The following SOX13 variants were observed in gnomAD, a reference collection of about 807,000 sequenced individuals.
The protein encoded by SOX13 is transcription factor SOX-13.
A neutral mutation model predicts 71.8 loss-of-function variants in SOX13; 28 were observed. The observed-to-expected ratio is 0.39, with a 90% confidence interval of 0.29 to 0.53. The LOEUF is 0.53. Ranked by LOEUF, SOX13 falls within the 20% of genes least tolerant of loss-of-function variation. The pLI is 0.70. For synonymous variants in SOX13, 309 were observed against 317.8 expected, an observed-to-expected ratio of 0.97 and a Z score of 0.29; for missense variants, 627 against 810.3, an observed-to-expected ratio of 0.77 and a Z score of 2.75.
Position 204,116,487 on chromosome 1 carries a change from T to A in SOX13, c.419-20T>A. 2 of 1,613,042 alleles carry A rather than the reference T, an allele frequency of 1.2e-6. No individual in the cohort carries two copies. Among genetic ancestry groups the A allele is most frequent in the African/African-American group, 2.7e-5 (2 of 74,938 alleles). ...GAACAAGTAAAAAGTCTCAATGGGG[T>A]CTGTTTCACTGTGGAGCAGGGACCC... On this transcript the variant is annotated intron_variant, in intron 4 of 13. Coordinates refer to ENST00000367204, the MANE Select transcript of SOX13 (RefSeq NM_005686.3).
rs766296895 is a variant in SOX13 at position 204,124,766 on chromosome 1, T to G, written c.1501T>G (p.Cys501Gly). 6.2e-7 allele frequency: 1 copy of G among 1,606,946 alleles called. No individual in the cohort carries two copies. The highest frequency in any genetic ancestry group is 2.2e-5 in the East Asian group (1 of 44,544). Residue 501 changes from cysteine to glycine, a missense_variant, in exon 13 of 14, where the codon TGC becomes GGC. Coordinates refer to ENST00000367204, the MANE Select transcript of SOX13 (RefSeq NM_005686.3). ...GTACAAGCCGCGGCCCAAGCGCACC[T>G]GCATCGTGGAGGGCAAGCGGCTGCG... ...YKYKPRPKRTCIVEGKRLRVG... is the reference protein window; with the variant it reads ...YKYKPRPKRTGIVEGKRLRVG...
At chr1:204,078,153 G>C (rs1400662242) in intron 1 of SOX13, 1 of 152,278 alleles carries the variant, frequency 6.6e-6, no homozygotes, top group Non-Finnish European at 1.5e-5. Flanking sequence ...GCTAATGGCT[G>C]ATGATGTCTG....
chr1:204,122,134 T>C lies in SOX13; in HGVS notation c.862-103T>C, dbSNP rs1247460746. The C allele has an allele frequency of 5.3e-6, 6 of 1,142,502 alleles. No homozygotes were observed. The African/African-American group carries it at 7.7e-5, about 15-fold the overall frequency. 70.8% of individuals were successfully genotyped at this position (1,142,502 alleles called of 1,614,324 possible). ...CCTTCTGCGTCCACTTTTCTGTCTG[T>C]CTCCTTGTGTGTTCTGGGTATGCTC... On this transcript the variant is annotated intron_variant, in intron 8 of 13. Coordinates refer to ENST00000367204, the MANE Select transcript of SOX13 (RefSeq NM_005686.3).
At chr1:204,116,031 GA>G (rs1656685584) in intron 4 of SOX13, 2 of 490,014 alleles carry the variant, frequency 4.1e-6, no homozygotes. Flanking sequence ...CACTTACCAA[GA>G]TTTTGAAAAC....
chr1:204,112,385 G>C (rs1178848913), intron 1 of SOX13, among the ~76,000 whole-genome samples: 1 of 151,494 alleles, frequency 6.6e-6, no homozygotes, highest in Non-Finnish European at 1.5e-5. Context: ...AGGTTGCAGT[G>C]AGCCGAGATC....
rs772096955 is a variant in SOX13, at chr1:204,125,945, G to C, written c.1680G>C (p.Glu560Asp). The change falls in exon 14 of 14, where the codon GAG becomes GAC. Residue 560 changes from glutamate (E) to aspartate (D), a missense_variant. This residue lies in a region of SOX13 where 148 missense variants were observed against 192.7 expected (regional missense o/e 0.77). Transcript: ENST00000367204. Reference sequence around the variant, plus strand: ...TGCCGCTGGCACAGCCACTGGTGGAGCACTATGTCCCTCGTAGCCTGGACC... The same window carrying C: ...TGCCGCTGGCACAGCCACTGGTGGACCACTATGTCCCTCGTAGCCTGGACC... ...AGMPLAQPLV[E>D]HYVPRSLDPN... 40 of 1,613,734 alleles carry C rather than the reference G, an allele frequency of 2.5e-5. No homozygotes were observed. The highest frequency in any genetic ancestry group is 1.3e-5 in the African/African-American group (1 of 74,932).
Position 204,121,546 on chromosome 1 carries a change from C to T in SOX13, c.776-354C>T, listed in dbSNP as rs183536087. Reference sequence around the variant, plus strand: ...AGACGTTCTACACAACAGGCAGCCGCTTTTGTGCCCTGTGCCCAGTAGGTA... The same window carrying T: ...AGACGTTCTACACAACAGGCAGCCGTTTTTGTGCCCTGTGCCCAGTAGGTA... On this transcript the variant is annotated intron_variant, in intron 7 of 13. Transcript: ENST00000367204. Among the ~76,000 whole-genome samples the T allele has an allele frequency of 2.5e-3, 383 of 152,330 alleles. 4 individuals are homozygous for T. The highest frequency in any genetic ancestry group is 8.6e-3 in the African/African-American group (357 of 41,584).
In SOX13 at chr1:204,123,415, C is replaced by T. The variant is rs1656852742; in HGVS notation, c.1231+207C>T. 1.3e-5 allele frequency among the ~76,000 whole-genome samples: 2 copies of T among 152,204 alleles called. No homozygotes were observed. Among genetic ancestry groups the T allele is most frequent in the African/African-American group, 4.8e-5 (2 of 41,444 alleles). On this transcript the variant is annotated intron_variant, in intron 11 of 13. Transcript: ENST00000367204. The surrounding 1 kb of genome is among the most constrained non-coding windows in gnomAD (Gnocchi z 5.0). ...GTTTTGTGACTGCTGAGTTTCTGCT[C>T]TCTCTTGAGGCCATACCGCTGTGAT...
At chr1:204,112,527 A>ACGCACACACT (rs34093119) in intron 1 of SOX13, among the ~76,000 whole-genome samples, 1 of 147,900 alleles carries the variant, frequency 6.8e-6, no homozygotes, top group South Asian at 2.2e-4. Context: ...ACACACACAC[A>ACGCACACACT]CTTTCTCTCT....
chr1:204,090,600 A>T (rs1050724605), intron 1 of SOX13, among the ~76,000 whole-genome samples: 1 of 151,832 alleles, frequency 6.6e-6, no homozygotes, highest in Non-Finnish European at 1.5e-5. Flanking sequence ...CAGTAGGGAC[A>T]GGGTTTCACT....
At chr1:204,109,279 C>A (rs1177998639) in intron 1 of SOX13, among the ~76,000 whole-genome samples, 1 of 152,226 alleles carries the variant, frequency 6.6e-6, no homozygotes, top group Non-Finnish European at 1.5e-5. Context: ...AGAGTCTGGT[C>A]TGATCAGCAA....
intron 2 of SOX13, 98 bp downstream of exon 2, chr1:204,113,232 A>T: frequency 2.9e-6 from 3 of 1,018,928 alleles, no homozygotes; most frequent in Non-Finnish European, 4.2e-6. Context: ...GGCAGCAGAT[A>T]CAGGCAGAAG....
chr1:204,091,277 C>A (rs903015227), intron 1 of SOX13, among the ~76,000 whole-genome samples: 1 of 152,316 alleles, frequency 6.6e-6, no homozygotes, highest in South Asian at 2.1e-4. Flanking sequence ...ATGCTGCTCA[C>A]GGCTTTGGTC....
rs1409311710 is a variant in SOX13, at chr1:204,073,144, C to T, written c.-569C>T. 6.6e-6 allele frequency: 1 copy of T among 152,250 alleles called. No homozygotes were observed. The highest frequency in any genetic ancestry group is 2.4e-5 in the African/African-American group (1 of 41,430). The allele number at this position is 152,250 out of a possible 1,614,324, so 9.4% of individuals were successfully genotyped here. ...GCCTCGCAGCAGCGAGCCGCGAGCG[C>T]CCTTCTCCAGTCCCGGCTTGGAACT... On this transcript the variant is annotated 5_prime_UTR_variant, in exon 1 of 14. Coordinates refer to ENST00000367204, the MANE Select transcript of SOX13 (RefSeq NM_005686.3). This position sits in a 1 kb window ranked among gnomAD's most constrained non-coding sequence, Gnocchi z 6.8.
At chr1:204,096,238 C>CTTTTTTTTT (rs1491344524) in intron 1 of SOX13, among the ~76,000 whole-genome samples, 5 of 61,242 alleles carry the variant, frequency 8.2e-5, no homozygotes, top group African/African-American at 3.3e-4. Flanking sequence ...TTCTTTCTTT[C>CTTTTTTTTT]GTTTTTTTTT....
intron 1 of SOX13, among the ~76,000 whole-genome samples, chr1:204,095,941 G>A: frequency 6.6e-6 from 1 of 152,084 alleles, no homozygotes; most frequent in East Asian, 1.9e-4. Flanking sequence ...TTTATGCCTG[G>A]CTTATTTCAG....
At chr1:204,103,541 A>G (rs1395805637) in intron 1 of SOX13, among the ~76,000 whole-genome samples, 1 of 152,258 alleles carries the variant, frequency 6.6e-6, no homozygotes, top group East Asian at 1.9e-4. Flanking sequence ...CTTGCAGCCA[A>G]GTAAGTGCTG....
At position 204,117,691 on chromosome 1, in the gene SOX13, C is replaced by T; in HGVS notation, c.759C>T (p.Pro253=). The T allele has an allele frequency of 1.9e-6, 3 of 1,612,612 alleles. No individual in the cohort carries two copies. The highest frequency in any genetic ancestry group is 8.5e-7 in the Non-Finnish European group (1 of 1,178,996). Residue 253 remains proline (P), a synonymous_variant, in exon 7 of 14, where the codon CCC becomes CCT. Transcript: ENST00000367204. ...CCCAGCTGGCCTTACCCATTCAGCC[C>T]ATTCCCTGCAAACCAGGTGAGTGTG... ...PDSQLALPIQ[P]IPCKPVEYPL...
Position 204,105,765 on chromosome 1 carries a change from T to G in SOX13, c.-1-7150T>G, listed in dbSNP as rs148193808. ...GAACTCAACATCTCCTGACCTCAGT[T>G]TCTCTGTTTATAAAATGTGTTGAGG... is the stretch of plus-strand genomic sequence containing the variant. On this transcript the variant is annotated intron_variant, in intron 1 of 13. Coordinates refer to ENST00000367204, the MANE Select transcript of SOX13 (RefSeq NM_005686.3). Among the ~76,000 whole-genome samples, 600 of 152,228 alleles carry G rather than the reference T, an allele frequency of 3.9e-3. 1 individual carries two copies. Among genetic ancestry groups the G allele is most frequent in the African/African-American group, 0.014 (573 of 41,544 alleles).
Sources: gnomAD v4.1 joint callset for allele counts (sites outside exome capture counted in the v4.1 genomes callset) on GRCh38, gnomAD v4.1.1 for gene constraint, gnomAD v4.1.1 regional missense constraint, Gnocchi (gnomAD v3.1) non-coding constraint, MANE v1.5 for transcripts, NCBI Gene and HGNC (gene_info 2026-07-23, HGNC 2026-07-21) for gene names.